ARHGAP39: variants seen among roughly 807,000 people sequenced by gnomAD.
The protein encoded by ARHGAP39 is Rho GTPase activating protein 39, also known as rho GTPase-activating protein 39.
ARHGAP39 carries 44 observed loss-of-function variants against 106.9 expected under a neutral mutation model. The observed-to-expected ratio is 0.41, with a 90% CI of 0.32 to 0.53. ARHGAP39 has a LOEUF of 0.53. ARHGAP39 is among the 20% of genes least tolerant of loss of function. The pLI is 0.21. For synonymous variants in ARHGAP39, 768 were observed against 693.2 expected (o/e 1.11, Z -1.69); for missense variants, 1,496 against 1,577.3 (o/e 0.95, Z 0.87).
At chr8:144,598,006 G>T (rs1469819060) in intron 2 of ARHGAP39, among the ~76,000 whole-genome samples, 1 of 152,206 alleles carries the variant, frequency 6.6e-6, no homozygotes, top group African/African-American at 2.4e-5. Context: ...AACACACGGA[G>T]ATGCTCAAAC....
intron 3 of ARHGAP39, among the ~76,000 whole-genome samples, chr8:144,562,671 C>T (rs909191542): frequency 1.3e-5 from 2 of 151,504 alleles, no homozygotes; most frequent in South Asian, 2.1e-4. Context: ...TGGTTTCCAT[C>T]GGACTCACTC....
intron 1 of ARHGAP39, among the ~76,000 whole-genome samples, chr8:144,619,838 C>T (rs148036276): frequency 3.8e-5 from 5 of 129,922 alleles, no homozygotes; most frequent in Middle Eastern, 7.0e-3. Context: ...GTGTGTGTGC[C>T]CATGTGCGAG....
chr8:144,568,044 T>C (rs1818464847), intron 3 of ARHGAP39, among the ~76,000 whole-genome samples: 2 of 152,154 alleles, frequency 1.3e-5, no homozygotes, highest in Admixed American at 6.5e-5. Context: ...CCACTGACCC[T>C]GTGGGGCTGG....
chr8:144,600,199 G>T (rs539833706), intron 2 of ARHGAP39, among the ~76,000 whole-genome samples: 4 of 151,644 alleles, frequency 2.6e-5, no homozygotes, highest in Non-Finnish European at 5.9e-5. Context: ...ACCTACCTGC[G>T]TGTGCGTGTG....
chr8:144,554,181 G>A (rs1308741686), intron 4 of ARHGAP39, among the ~76,000 whole-genome samples: 1 of 152,216 alleles, frequency 6.6e-6, no homozygotes, highest in Admixed American at 6.5e-5. Flanking sequence ...TTGGACCTTC[G>A]TGGAGACCAG....
At chr8:144,549,502 T>C (rs1817615400) in intron 4 of ARHGAP39, among the ~76,000 whole-genome samples, 1 of 152,170 alleles carries the variant, frequency 6.6e-6, no homozygotes, top group South Asian at 2.1e-4. Context: ...TGGTTTTGTT[T>C]TGTTTTTTTG....
At chr8:144,676,701 T>C (rs1347003835) in intron 1 of ARHGAP39, among the ~76,000 whole-genome samples, 1 of 152,180 alleles carries the variant, frequency 6.6e-6, no homozygotes, top group Non-Finnish European at 1.5e-5. Context: ...TCGTCCCAGA[T>C]CAAGCCCAGC....
chr8:144,650,107 C>A (rs778921261), intron 1 of ARHGAP39, among the ~76,000 whole-genome samples: 6 of 151,658 alleles, frequency 4.0e-5, no homozygotes, highest in Non-Finnish European at 5.9e-5. Context: ...TGTGGCACTG[C>A]ACTGCAGCCT....
intron 1 of ARHGAP39, among the ~76,000 whole-genome samples, chr8:144,627,495 C>T (rs971479388): frequency 1.4e-5 from 2 of 142,266 alleles, no homozygotes; most frequent in African/African-American, 5.3e-5. Context: ...GCGGAGCTTG[C>T]AGTGAGCTGA....
At chr8:144,561,613 T>A (rs996713912) in intron 3 of ARHGAP39, among the ~76,000 whole-genome samples, 1 of 148,286 alleles carries the variant, frequency 6.7e-6, no homozygotes, top group Non-Finnish European at 1.5e-5. Flanking sequence ...CGCGCTCCAG[T>A]GGTTTCCATC....
chr8:144,557,500 C>T (rs553406477), intron 3 of ARHGAP39, among the ~76,000 whole-genome samples: 3 of 147,204 alleles, frequency 2.0e-5, no homozygotes, highest in Non-Finnish European at 4.5e-5. Flanking sequence ...GCTGAACCTT[C>T]GTAGTATTCA....
intron 3 of ARHGAP39, among the ~76,000 whole-genome samples, chr8:144,570,501 G>A (rs1364985586): frequency 6.6e-6 from 1 of 152,222 alleles, no homozygotes; most frequent in Non-Finnish European, 1.5e-5. Context: ...AGAAGACTGT[G>A]AGGGGTAAAG....
At chr8:144,600,248 G>A (rs1031367377) in intron 2 of ARHGAP39, among the ~76,000 whole-genome samples, 4 of 147,802 alleles carry the variant, frequency 2.7e-5, no homozygotes, top group Non-Finnish European at 4.5e-5. Context: ...ACCTACCTGC[G>A]TGTGCGTGTG....
rs1191071885 is a variant in ARHGAP39, at chr8:144,568,308, T to C, written c.512+12538A>G. On this transcript the variant is annotated intron_variant, in intron 3 of 11. Transcript: ENST00000377307. Reference sequence around the variant, plus strand: ...GAGATCACACCACTGCACTCCAGCCTGGGTGACAGAGTGAGACTCTGTCTC... The same window carrying C: ...GAGATCACACCACTGCACTCCAGCCCGGGTGACAGAGTGAGACTCTGTCTC... Among the ~76,000 whole-genome samples the C allele has an allele frequency of 3.6e-5, 4 of 110,936 alleles. No homozygotes were observed. The East Asian group carries it at 9.0e-4, about 25-fold the overall frequency. 72.8% of individuals were successfully genotyped at this position (110,936 alleles called of 152,430 possible). A position where few individuals can be genotyped will look rare whatever the true frequency, so the allele number is the denominator to read the frequency against.
intron 1 of ARHGAP39, 50 bp from the exon 2 acceptor site, chr8:144,605,745 A>G (rs1315560573): frequency 1.1e-5 from 9 of 843,662 alleles, no homozygotes; most frequent in Non-Finnish European, 1.7e-5. Flanking sequence ...GCCTCACCAC[A>G]CCAATCACCC....
rs1444925896 is a variant in ARHGAP39 at position 144,586,799 on chromosome 8, G to C, written c.81-5522C>G. 1.3e-5 allele frequency among the ~76,000 whole-genome samples: 2 copies of C among 152,214 alleles called. No homozygotes were observed. Among genetic ancestry groups the C allele is most frequent in the Non-Finnish European group, 2.9e-5 (2 of 68,034 alleles). Reference sequence around the variant, plus strand: ...CACTGGCTGGCCTGGGCTGCTGTCGGTCTGCTCTGCAGGACAGCAGCCATC... The same window carrying C: ...CACTGGCTGGCCTGGGCTGCTGTCGCTCTGCTCTGCAGGACAGCAGCCATC... On this transcript the variant is annotated intron_variant, in intron 2 of 11. Coordinates refer to ENST00000377307, the MANE Select transcript of ARHGAP39 (RefSeq NM_025251.3). The surrounding 1 kb of genome is among the most constrained non-coding windows in gnomAD (Gnocchi z 4.2).
intron 3 of ARHGAP39, among the ~76,000 whole-genome samples, chr8:144,576,194 G>A (rs1481669223): frequency 6.6e-6 from 1 of 151,946 alleles, no homozygotes; most frequent in Non-Finnish European, 1.5e-5. Flanking sequence ...TTAGCCAGGT[G>A]TGGTGGTGGG....
chr8:144,695,298 A>T, the ARHGAP39 span, among the ~76,000 whole-genome samples: 1 of 150,026 alleles, frequency 6.7e-6, no homozygotes, highest in Non-Finnish European at 1.5e-5. Context: ...TTGGTTGCGA[A>T]CTCCTGATCT....
chr8:144,635,735 G>T (rs1193469060), intron 1 of ARHGAP39, among the ~76,000 whole-genome samples: 1 of 151,980 alleles, frequency 6.6e-6, no homozygotes, highest in African/African-American at 2.4e-5. Flanking sequence ...TTAGAGGGGG[G>T]CTGAGGCTAC....
Sources: allele counts gnomAD v4.1 joint callset (sites outside exome capture counted in the v4.1 genomes callset), GRCh38; gene constraint gnomAD v4.1.1; non-coding constraint Gnocchi (gnomAD v3.1); transcripts MANE v1.5; gene names NCBI Gene and HGNC (gene_info 2026-07-23, HGNC 2026-07-21).